KLF7: variants seen among roughly 807,000 people sequenced by gnomAD.
The protein encoded by KLF7 is KLF transcription factor 7.
A neutral mutation model predicts 27.3 loss-of-function variants in KLF7; 2 were observed. The observed-to-expected ratio is 0.07, with a 90% CI of 0.03 to 0.23. The LOEUF (loss-of-function observed/expected upper bound fraction) is 0.23, where lower values mean the gene tolerates loss of function less well. Among genes scored for constraint, KLF7 ranks in the 10% least tolerant of loss-of-function variants. The probability of loss-of-function intolerance (pLI) is 1.00; values close to 1 mark genes in which losing one functional copy is unlikely to be tolerated. For synonymous variants in KLF7, 165 were observed against 162.4 expected (o/e 1.02, Z -0.12); for missense variants, 221 against 394.1 (o/e 0.56, Z 3.72).
intron 2 of KLF7, among the ~76,000 whole-genome samples, chr2:207,111,053 C>G (rs34412775): frequency 0.24 from 36,341 of 152,084 alleles, 5,055 homozygotes; most frequent in Middle Eastern, 0.32. Flanking sequence ...CCCAACCCCA[C>G]ATATGACCAT....
At chr2:207,122,232 G>C (rs749966786) in intron 2 of KLF7, among the ~76,000 whole-genome samples, 1 of 152,114 alleles carries the variant, frequency 6.6e-6, no homozygotes, top group Non-Finnish European at 1.5e-5. Flanking sequence ...AATTCTGATG[G>C]GAAACCATGA....
intron 1 of KLF7, 91 bp downstream of exon 1, chr2:207,165,376 A>T: frequency 6.4e-7 from 1 of 1,562,028 alleles, no homozygotes; most frequent in Non-Finnish European, 8.7e-7. Flanking sequence ...CAAACAAACA[A>T]ACAAAAATTT....
chr2:207,173,086 G>T, the KLF7 span, among the ~76,000 whole-genome samples: 1 of 151,830 alleles, frequency 6.6e-6, no homozygotes, highest in Non-Finnish European at 1.5e-5. Context: ...AGAGGCGGAG[G>T]TTGGTAAACA....
rs182324398 is a variant in KLF7 at position 207,150,515 on chromosome 2, T to C, written c.102+14952A>G. 1.6e-3 allele frequency among the ~76,000 whole-genome samples: 250 copies of C among 152,298 alleles called. 1 individual carries two copies. Among genetic ancestry groups the C allele is most frequent in the African/African-American group, 5.6e-3 (233 of 41,574 alleles). On this transcript the variant is annotated intron_variant, in intron 1 of 3. Coordinates refer to ENST00000309446, the MANE Select transcript of KLF7 (RefSeq NM_003709.4). Reference sequence around the variant, plus strand: ...AACAAAAGCCTCCCCCACTGCAGAATAGAAAACAATTACACCGTACAGCAT... The same window carrying C: ...AACAAAAGCCTCCCCCACTGCAGAACAGAAAACAATTACACCGTACAGCAT...
At chr2:207,167,070 G>C (rs1409383017), upstream of KLF7, 2 of 1,318,308 alleles carry the variant, frequency 1.5e-6, no homozygotes, top group African/African-American at 3.1e-5. Context: ...GCTAGAGGGA[G>C]CCTAGGTAGA....
intron 1 of KLF7, among the ~76,000 whole-genome samples, chr2:207,165,198 G>C (rs1016911414): frequency 1.8e-4 from 27 of 152,096 alleles, no homozygotes; most frequent in Non-Finnish European, 5.9e-5. Flanking sequence ...CAGCAAACCC[G>C]ACAACGTGTG....
intron 2 of KLF7, 57 bp from the exon 3 acceptor site, chr2:207,088,638 C>G: frequency 6.3e-7 from 1 of 1,578,748 alleles, no homozygotes; most frequent in South Asian, 1.1e-5. Flanking sequence ...GGATTACACC[C>G]AACCAGCCTG....
intron 2 of KLF7, among the ~76,000 whole-genome samples, chr2:207,113,600 TGGGGGGTGGGG>T (rs2077094228): frequency 4.1e-4 from 1 of 2,450 alleles, no homozygotes; most frequent in South Asian, 0.02. Context: ...CAAAGTGGAA[TGGGGGGTGGGG>T]GGGGGGGGGA....
At chr2:207,087,746 G>A (rs963407614) in intron 3 of KLF7, among the ~76,000 whole-genome samples, 2 of 152,204 alleles carry the variant, frequency 1.3e-5, no homozygotes, top group African/African-American at 4.8e-5. Context: ...ACCTTGGCCT[G>A]CAGAGTCTCC....
upstream of KLF7, chr2:207,166,009 G>A: frequency 1.0e-6 from 1 of 986,508 alleles, no homozygotes; most frequent in Non-Finnish European, 1.2e-6. Flanking sequence ...TCTCGCGATC[G>A]CTTCTCTTCC....
chr2:207,165,741 G>C lies in KLF7; in HGVS notation c.-173C>G. The C allele has an allele frequency of 6.9e-7, 1 of 1,448,892 alleles. No homozygotes were observed. Among genetic ancestry groups the C allele is most frequent in the Non-Finnish European group, 9.0e-7 (1 of 1,107,590 alleles). 89.8% of individuals were successfully genotyped at this position (1,448,892 alleles called of 1,614,324 possible). A position where few individuals can be genotyped will look rare whatever the true frequency, so the allele number is the denominator to read the frequency against. On this transcript the variant is annotated 5_prime_UTR_variant, in exon 1 of 4. Transcript: ENST00000309446. Reference sequence around the variant, plus strand: ...AAAAAAAAAAATCAATGCAGGAGAGGGAGAGAGGAGGTGAGAGAGGAGCGA... The same window carrying C: ...AAAAAAAAAAATCAATGCAGGAGAGCGAGAGAGGAGGTGAGAGAGGAGCGA...
At chr2:207,122,856 C>G (rs929380598) in intron 2 of KLF7, among the ~76,000 whole-genome samples, 1 of 152,050 alleles carries the variant, frequency 6.6e-6, no homozygotes, top group East Asian at 1.9e-4. Flanking sequence ...AGGTAGCACA[C>G]TGTTGGAGAC....
At chr2:207,158,976 A>G (rs2078464765) in intron 1 of KLF7, among the ~76,000 whole-genome samples, 1 of 152,192 alleles carries the variant, frequency 6.6e-6, no homozygotes, top group African/African-American at 2.4e-5. Flanking sequence ...GGAGAGTGCA[A>G]TGCCTCATCT....
At chr2:207,172,953 A>G in the KLF7 span, among the ~76,000 whole-genome samples, 3 of 151,798 alleles carry the variant, frequency 2.0e-5, no homozygotes, top group Non-Finnish European at 4.4e-5. Context: ...TGGGGGACTA[A>G]TTTATAAGTG....
upstream of KLF7, chr2:207,166,291 G>T: frequency 1.9e-6 from 1 of 535,772 alleles, no homozygotes; most frequent in Non-Finnish European, 2.4e-6. Context: ...GCGCGGATTG[G>T]CACGCTGCGG....
chr2:207,125,610 G>A (rs2077457715), intron 1 of KLF7, among the ~76,000 whole-genome samples: 1 of 152,150 alleles, frequency 6.6e-6, no homozygotes, highest in Non-Finnish European at 1.5e-5. Context: ...TTATTTTGGT[G>A]ACATTTCAAA....
chr2:207,145,375 T>G (rs895341925), intron 1 of KLF7, among the ~76,000 whole-genome samples: 1 of 152,210 alleles, frequency 6.6e-6, no homozygotes, highest in Non-Finnish European at 1.5e-5. Flanking sequence ...AATACATCTA[T>G]TCAACACTGG....
At chr2:207,101,675 A>G (rs1372998368) in intron 2 of KLF7, among the ~76,000 whole-genome samples, 3 of 152,132 alleles carry the variant, frequency 2.0e-5, no homozygotes, top group Non-Finnish European at 2.9e-5. Flanking sequence ...CAGACCCCAC[A>G]TCTGTGCATA....
intron 2 of KLF7, among the ~76,000 whole-genome samples, chr2:207,096,059 G>A (rs1434234780): frequency 6.6e-6 from 1 of 152,026 alleles, no homozygotes; most frequent in East Asian, 1.9e-4. Flanking sequence ...CATCCTTCCC[G>A]TATTTTTCTC....
Sources: allele counts gnomAD v4.1 joint callset (sites outside exome capture counted in the v4.1 genomes callset), GRCh38; gene constraint gnomAD v4.1.1; transcripts MANE v1.5; gene names NCBI Gene and HGNC (gene_info 2026-07-23, HGNC 2026-07-21).